Variants in MRTFA observed in about 807,000 individuals in gnomAD.
MRTFA encodes myocardin-related transcription factor A.
In MRTFA, 20 loss-of-function variants were observed where a neutral mutation model predicts 83.5. The ratio of observed to expected loss-of-function variants is 0.24; its 90% CI spans 0.17 to 0.35. MRTFA has a LOEUF of 0.35. Among genes scored for constraint, MRTFA ranks in the 10% least tolerant of loss-of-function variants. MRTFA has a pLI of 1.00. For synonymous variants in MRTFA, 659 were observed against 541.2 expected, an observed-to-expected ratio of 1.22 and a Z score of -3.02; for missense variants, 1,200 against 1,224.7, an observed-to-expected ratio of 0.98 and a Z score of 0.30.
intron 4 of MRTFA, 69 bp downstream of exon 4, chr22:40,463,152 G>A: frequency 7.7e-7 from 1 of 1,303,568 alleles, no homozygotes; most frequent in Non-Finnish European, 1.1e-6. Flanking sequence ...TGCTTCCCAT[G>A]GCATACTCGG....
intron 11 of MRTFA, 27 bp downstream of exon 11, chr22:40,420,378 G>A: frequency 6.2e-7 from 1 of 1,604,714 alleles, no homozygotes; most frequent in South Asian, 1.1e-5. Context: ...GGCTGGCAGT[G>A]GCTCAAGTTT....
intron 9 of MRTFA, among the ~76,000 whole-genome samples, chr22:40,422,049 T>C (rs2052851244): frequency 6.6e-6 from 1 of 151,986 alleles, no homozygotes; most frequent in Non-Finnish European, 1.5e-5. Context: ...GCCGGGGCTG[T>C]GGGGCCAGGA....
intron 3 of MRTFA, among the ~76,000 whole-genome samples, chr22:40,491,607 G>A (rs1437779051): frequency 6.6e-6 from 1 of 152,092 alleles, no homozygotes; most frequent in Non-Finnish European, 1.5e-5. Flanking sequence ...AGTACCTAAG[G>A]CCAAAGTGCA....
chr22:40,510,981 TAGTC>T (rs1312020691), intron 3 of MRTFA, among the ~76,000 whole-genome samples: 1 of 152,156 alleles, frequency 6.6e-6, no homozygotes, highest in Non-Finnish European at 1.5e-5. Context: ...GATAACCACA[TAGTC>T]AGAGACCAGA....
At chr22:40,520,926 T>C (rs1172348507) in intron 3 of MRTFA, among the ~76,000 whole-genome samples, 2 of 152,170 alleles carry the variant, frequency 1.3e-5, no homozygotes, top group Admixed American at 6.5e-5. Context: ...TATCTAGAAG[T>C]AGAATTGCTA....
intron 8 of MRTFA, 94 bp downstream of exon 8, chr22:40,424,112 G>C (rs576350597): frequency 2.2e-6 from 3 of 1,345,048 alleles, no homozygotes; most frequent in East Asian, 5.3e-5. Context: ...CCCTGTGCCA[G>C]AGCAGGAGGC....
In MRTFA at chr22:40,625,517, G is replaced by A. The variant is rs990438499; in HGVS notation, c.-84+10961C>T. On this transcript the variant is annotated intron_variant, in intron 1 of 14. Transcript: ENST00000355630. Reference sequence around the variant, plus strand: ...AATAAGGCCTGGCAGGGTGGCTCACGCCTGTAATCCATAACTTTGGGAGGC... The same window carrying A: ...AATAAGGCCTGGCAGGGTGGCTCACACCTGTAATCCATAACTTTGGGAGGC... 3.3e-5 allele frequency among the ~76,000 whole-genome samples: 5 copies of A among 152,030 alleles called. No individual in the cohort carries two copies. In the East Asian group the frequency reaches 5.8e-4, roughly 18 times the overall value.
intron 3 of MRTFA, among the ~76,000 whole-genome samples, chr22:40,492,479 C>T (rs1221004163): frequency 2.7e-5 from 4 of 149,664 alleles, no homozygotes; most frequent in African/African-American, 9.9e-5. Context: ...GGAGAGGGTT[C>T]CCTTAGAGAA....
chr22:40,498,269 ATATATT>A lies in MRTFA; in HGVS notation c.242-34989_242-34984del, dbSNP rs1400942915. Reference sequence around the variant, plus strand: ...ACACACTTCATATATATATATATATATATATTTTTTTTTTTTTTTTTTTTTTTTTTT... The same window carrying A: ...ACACACTTCATATATATATATATATATTTTTTTTTTTTTTTTTTTTTTTTT... On this transcript the variant is annotated intron_variant, in intron 3 of 14. Coordinates refer to ENST00000355630, the MANE Select transcript of MRTFA (RefSeq NM_020831.6). Among the ~76,000 whole-genome samples, 5 of 88,348 alleles carry A rather than the reference ATATATT, an allele frequency of 5.7e-5. No homozygotes were observed. The East Asian group carries it at 1.7e-3, about 31-fold the overall frequency. The allele number at this position is 88,348 out of a possible 152,430, so 58.0% of individuals were successfully genotyped here.
intron 2 of MRTFA, among the ~76,000 whole-genome samples, chr22:40,572,715 G>A (rs1344470719): frequency 2.6e-5 from 4 of 152,162 alleles, no homozygotes; most frequent in African/African-American, 7.2e-5. Context: ...AGAAGGCAAC[G>A]AGAAGCAAGT....
intron 3 of MRTFA, among the ~76,000 whole-genome samples, chr22:40,483,178 AG>A (rs892850738): frequency 2.1e-4 from 32 of 152,004 alleles, no homozygotes; most frequent in African/African-American, 7.5e-4. Flanking sequence ...CTTCCACCTC[AG>A]CCTCCCAAAT....
chr22:40,545,890 C>T (rs1301716636), intron 3 of MRTFA, among the ~76,000 whole-genome samples: 2 of 151,382 alleles, frequency 1.3e-5, no homozygotes, highest in African/African-American at 2.4e-5. Flanking sequence ...CCCGCCATCA[C>T]GCCCAGCTAA....
intron 2 of MRTFA, among the ~76,000 whole-genome samples, chr22:40,555,434 G>T: frequency 6.6e-6 from 1 of 151,970 alleles, no homozygotes; most frequent in African/African-American, 2.4e-5. Context: ...GTGTGGCACT[G>T]CCCCCCTTCT....
chr22:40,410,558 C>T lies in MRTFA; in HGVS notation c.*832G>A, dbSNP rs2052481296. 2 of 233,382 alleles carry T rather than the reference C, an allele frequency of 8.6e-6. No homozygotes were observed. Among genetic ancestry groups the T allele is most frequent in the East Asian group, 6.1e-5 (1 of 16,528 alleles). 14.5% of individuals were successfully genotyped at this position (233,382 alleles called of 1,614,324 possible). A position where few individuals can be genotyped will look rare whatever the true frequency, so the allele number is the denominator to read the frequency against. On this transcript the variant is annotated 3_prime_UTR_variant, in exon 15 of 15. Transcript: ENST00000355630. ...AGCTCCTGGCAGGAAGGCCAGGTAG[C>T]ACCTCTGCCCTCATGGCACTGATAA...
chr22:40,507,873 G>T (rs139038539), intron 3 of MRTFA, among the ~76,000 whole-genome samples: 2 of 138,926 alleles, frequency 1.4e-5, no homozygotes, highest in Non-Finnish European at 3.0e-5. Flanking sequence ...TGAGGAATGA[G>T]AATTGCTTGA....
rs117205007 is a variant in MRTFA, at chr22:40,534,667, C to A, written c.241+17439G>T. On this transcript the variant is annotated intron_variant, in intron 3 of 14. Coordinates refer to ENST00000355630, the MANE Select transcript of MRTFA (RefSeq NM_020831.6). ...GGGATTACAGGCATGAGCCACTGCTCCCCACAGCACCTTTCATTAACTGAT... is the reference window on the plus strand; with the variant it reads ...GGGATTACAGGCATGAGCCACTGCTACCCACAGCACCTTTCATTAACTGAT... Among the ~76,000 whole-genome samples, 51 of 152,296 alleles carry A rather than the reference C, an allele frequency of 3.3e-4. No homozygotes were observed. The East Asian group carries it at 7.9e-3, about 24-fold the overall frequency.
chr22:40,532,056 C>T (rs1281379696), intron 3 of MRTFA, among the ~76,000 whole-genome samples: 2 of 152,188 alleles, frequency 1.3e-5, no homozygotes, highest in African/African-American at 4.8e-5. Context: ...CTACTATCAT[C>T]CTTTGAAAGT....
intron 7 of MRTFA, among the ~76,000 whole-genome samples, chr22:40,428,277 C>T (rs775091288): frequency 1.4e-4 from 22 of 152,134 alleles, no homozygotes; most frequent in Admixed American, 5.9e-4. Flanking sequence ...TGGGATCAGA[C>T]GCTATCTGCA....
intron 4 of MRTFA, among the ~76,000 whole-genome samples, chr22:40,456,251 A>G (rs1330802658): frequency 1.3e-5 from 2 of 152,052 alleles, no homozygotes; most frequent in Non-Finnish European, 2.9e-5. Context: ...AATTTTTAGC[A>G]GGGGGGTATA....
Sources: gnomAD v4.1 joint callset for allele counts (sites outside exome capture counted in the v4.1 genomes callset) on GRCh38, gnomAD v4.1.1 for gene constraint, MANE v1.5 for transcripts, NCBI Gene and HGNC (gene_info 2026-07-23, HGNC 2026-07-21) for gene names.